Variants in SYNPR observed in about 807,000 individuals in gnomAD.
SYNPR encodes synaptoporin.
SYNPR carries 23 observed loss-of-function variants against 32.9 expected under a neutral mutation model. That is an observed-to-expected ratio of 0.70 (90% CI 0.50 to 0.99). The LOEUF is 0.99. Among genes scored for constraint, SYNPR ranks in the 50% least tolerant of loss-of-function variants. The pLI is 0.00. For missense variants in SYNPR, 318 were observed against 349.3 expected (o/e 0.91, Z 0.71); for synonymous variants, 146 against 135.9 (o/e 1.07, Z -0.52).
intron 2 of SYNPR, among the ~76,000 whole-genome samples, chr3:63,425,052 C>T (rs1699868611): frequency 6.6e-6 from 1 of 152,204 alleles, no homozygotes; most frequent in Non-Finnish European, 1.5e-5. Context: ...GGTCTTCCTG[C>T]TGCCCTTACC....
the SYNPR span, among the ~76,000 whole-genome samples, chr3:63,207,245 C>T: frequency 2.0e-5 from 3 of 152,190 alleles, no homozygotes; most frequent in Non-Finnish European, 2.9e-5. Context: ...GTGACGTGTG[C>T]TGGGACCCAC....
chr3:63,463,175 C>G (rs767722073), intron 2 of SYNPR, among the ~76,000 whole-genome samples: 2 of 152,102 alleles, frequency 1.3e-5, no homozygotes, highest in Non-Finnish European at 2.9e-5. Context: ...GAAAAAGGTA[C>G]AGCTATGTCA....
intron 3 of SYNPR, among the ~76,000 whole-genome samples, chr3:63,543,796 A>G (rs974863260): frequency 6.6e-6 from 1 of 152,076 alleles, no homozygotes; most frequent in Admixed American, 6.6e-5. Context: ...CCCTTCCTCA[A>G]TGCCCTAGAC....
At chr3:63,304,574 C>T (rs2086891113) in intron 2 of SYNPR, among the ~76,000 whole-genome samples, 2 of 151,870 alleles carry the variant, frequency 1.3e-5, no homozygotes, top group Non-Finnish European at 2.9e-5. Context: ...CCTGGAGCCT[C>T]CCAGTAAGAA....
At chr3:63,357,942 T>G (rs1368016808) in intron 2 of SYNPR, among the ~76,000 whole-genome samples, 1 of 152,160 alleles carries the variant, frequency 6.6e-6, no homozygotes, top group African/African-American at 2.4e-5. Flanking sequence ...TCTTATAGTG[T>G]AGGAAAAAGT....
chr3:63,368,169 T>C (rs2087750469), intron 2 of SYNPR, among the ~76,000 whole-genome samples: 1 of 152,230 alleles, frequency 6.6e-6, no homozygotes, highest in African/African-American at 2.4e-5. Context: ...GGTGTTTGCC[T>C]GGACCAAGAG....
intron 4 of SYNPR, among the ~76,000 whole-genome samples, chr3:63,567,874 T>C (rs1326240054): frequency 6.6e-6 from 1 of 152,216 alleles, no homozygotes; most frequent in African/African-American, 2.4e-5. Flanking sequence ...CTCTTCCACG[T>C]TGTTCTCAAA....
In SYNPR at chr3:63,432,566, A is replaced by C. The variant is rs142505491; in HGVS notation, c.85-48266A>C. 3.7e-4 allele frequency among the ~76,000 whole-genome samples: 57 copies of C among 152,354 alleles called. No individual in the cohort carries two copies. In the East Asian group the frequency reaches 0.01, roughly 27 times the overall value. On this transcript the variant is annotated intron_variant, in intron 2 of 5. Transcript: ENST00000478300. Reference sequence around the variant, plus strand: ...GGAAAGGGCCTGGTGCATACATTTCAACATTGTCATTGCTCTTATTGTTTT... The same window carrying C: ...GGAAAGGGCCTGGTGCATACATTTCCACATTGTCATTGCTCTTATTGTTTT...
intron 3 of SYNPR, among the ~76,000 whole-genome samples, chr3:63,532,257 A>C (rs546187738): frequency 6.6e-6 from 1 of 152,258 alleles, no homozygotes; most frequent in African/African-American, 2.4e-5. Flanking sequence ...TCCATAGTGA[A>C]GGCATTGTCA....
chr3:63,250,324 A>G (rs1219946882), intron 1 of SYNPR, among the ~76,000 whole-genome samples: 1 of 151,932 alleles, frequency 6.6e-6, no homozygotes, highest in African/African-American at 2.4e-5. Flanking sequence ...TAAAAATACA[A>G]GGAAAATAAA....
In SYNPR at chr3:63,478,990, A is replaced by T. The variant is rs182100752; in HGVS notation, c.85-1842A>T. Among the ~76,000 whole-genome samples, 165 of 152,300 alleles carry T rather than the reference A, an allele frequency of 1.1e-3. 1 individual carries two copies. Among genetic ancestry groups the T allele is most frequent in the African/African-American group, 3.4e-3 (143 of 41,564 alleles). On this transcript the variant is annotated intron_variant, in intron 2 of 5. Transcript: ENST00000478300. ...TACAGGAAGAGAGCATTTGGTCATG[A>T]GGAGTAAGCAAGTCCACACCAGGGG... is the stretch of plus-strand genomic sequence containing the variant.
chr3:63,449,048 C>T (rs1032296641), intron 2 of SYNPR, among the ~76,000 whole-genome samples: 11 of 152,082 alleles, frequency 7.2e-5, no homozygotes, highest in African/African-American at 2.2e-4. Flanking sequence ...TTATTTATTG[C>T]TTCGAGGCAT....
chr3:63,465,613 A>C (rs1700663186), intron 2 of SYNPR, among the ~76,000 whole-genome samples: 1 of 152,136 alleles, frequency 6.6e-6, no homozygotes, highest in South Asian at 2.1e-4. Context: ...TTGTCTAGCC[A>C]AAAATAATTA....
At chr3:63,432,115 G>T (rs559168315) in intron 2 of SYNPR, among the ~76,000 whole-genome samples, 17 of 152,186 alleles carry the variant, frequency 1.1e-4, no homozygotes, top group Non-Finnish European at 2.4e-4. Context: ...TACCTCTGAA[G>T]CATGTTCACA....
chr3:63,247,908 G>A (rs2086303971), intron 1 of SYNPR, among the ~76,000 whole-genome samples: 1 of 152,080 alleles, frequency 6.6e-6, no homozygotes, highest in South Asian at 2.1e-4. Context: ...CAAAACATGG[G>A]GCAGAGAATC....
intron 4 of SYNPR, among the ~76,000 whole-genome samples, chr3:63,595,594 A>G (rs1699918357): frequency 6.7e-6 from 1 of 149,840 alleles, no homozygotes; most frequent in Non-Finnish European, 1.5e-5. Context: ...TAAAATACAA[A>G]CAGTAGTAAT....
chr3:63,527,120 A>G (rs1434842393), intron 3 of SYNPR, among the ~76,000 whole-genome samples: 1 of 152,214 alleles, frequency 6.6e-6, no homozygotes, highest in Non-Finnish European at 1.5e-5. Flanking sequence ...GGACAAGGCA[A>G]TCTAGACTGA....
intron 3 of SYNPR, among the ~76,000 whole-genome samples, chr3:63,511,314 A>G (rs553441693): frequency 6.6e-6 from 1 of 152,110 alleles, no homozygotes; most frequent in Non-Finnish European, 1.5e-5. Flanking sequence ...GGAGGAGTTC[A>G]TATCCAGCAT....
intron 2 of SYNPR, among the ~76,000 whole-genome samples, chr3:63,285,203 A>C (rs1473088240): frequency 1.3e-5 from 2 of 152,246 alleles, no homozygotes; most frequent in African/African-American, 4.8e-5. Flanking sequence ...AGATGAATTC[A>C]ACAGACATCA....
Sources: allele counts gnomAD v4.1 joint callset (sites outside exome capture counted in the v4.1 genomes callset), GRCh38; gene constraint gnomAD v4.1.1; transcripts MANE v1.5; gene names NCBI Gene and HGNC (gene_info 2026-07-23, HGNC 2026-07-21).